The following CLDN20 variants were observed in gnomAD, a reference collection of about 807,000 sequenced individuals.
CLDN20 encodes the protein claudin 20, also known as claudin-20.
For synonymous variants in CLDN20, 104 were observed against 103.6 expected (o/e 1.00, Z -0.03); for missense variants, 258 against 267.9 (o/e 0.96, Z 0.26).
Position 155,276,061 on chromosome 6 carries a change from G to A in CLDN20, c.342G>A (p.Lys114=), listed in dbSNP as rs150441263. ...CTRLGGDRET[K]SHASFAGGVC... ...GCTTAGGAGGGGACAGAGAAACCAA[G>A]AGCCATGCTTCCTTTGCTGGAGGAG... Residue 114 remains lysine (K), a synonymous_variant, in exon 2 of 2, where the codon AAG becomes AAA. Transcript: ENST00000367165. The A allele has an allele frequency of 2.7e-4, 429 of 1,614,144 alleles. 3 individuals carry two copies. In the African/African-American group the frequency reaches 4.9e-3, roughly 18 times the overall value.
chr6:155,276,437 T>TAA lies in CLDN20; in HGVS notation c.*66_*67dup. The TAA allele has an allele frequency of 1.4e-6, 2 of 1,427,380 alleles. No individual in the cohort carries two copies. Among genetic ancestry groups the TAA allele is most frequent in the African/African-American group, 1.5e-5 (1 of 68,768 alleles). The allele number at this position is 1,427,380 out of a possible 1,614,324, so 88.4% of individuals were successfully genotyped here. ...TGGGTGCCAAATGGGACTTTTAGAT[T>TAA]AAAAAAAAATCAGAATTATGCTTAA... On this transcript the variant is annotated 3_prime_UTR_variant, in exon 2 of 2. Transcript: ENST00000367165.
In CLDN20 at chr6:155,264,270, G is replaced by A. The variant is rs1430472074; in HGVS notation, c.-123G>A. ...TCCACTTTAGGACATCACGGGCCTC[G>A]AGGTTACAACTTTCCCAGGTAAGGA... On this transcript the variant is annotated 5_prime_UTR_variant, in exon 1 of 2. Transcript: ENST00000367165. The A allele has an allele frequency of 6.6e-6, 1 of 152,124 alleles. No individual in the cohort carries two copies. Among genetic ancestry groups the A allele is most frequent in the Non-Finnish European group, 1.5e-5 (1 of 68,022 alleles). 9.4% of individuals were successfully genotyped at this position (152,124 alleles called of 1,614,324 possible). A position where few individuals can be genotyped will look rare whatever the true frequency, so the allele number is the denominator to read the frequency against.
At chr6:155,267,643 C>T (rs1034170323) in intron 1 of CLDN20, among the ~76,000 whole-genome samples, 1 of 152,110 alleles carries the variant, frequency 6.6e-6, no homozygotes, top group Non-Finnish European at 1.5e-5. Flanking sequence ...TTACAGCAGG[C>T]CATTTCAGCA....
At chr6:155,265,187 C>G (rs1386179679) in intron 1 of CLDN20, among the ~76,000 whole-genome samples, 1 of 152,160 alleles carries the variant, frequency 6.6e-6, no homozygotes, top group Non-Finnish European at 1.5e-5. Context: ...TTCGAGGCTG[C>G]CCAGCCGGGC....
chr6:155,271,143 T>C (rs1784897153), intron 1 of CLDN20, among the ~76,000 whole-genome samples: 1 of 152,170 alleles, frequency 6.6e-6, no homozygotes, highest in Admixed American at 6.5e-5. Context: ...TTTAAAGAAA[T>C]GATTAAAGTC....
chr6:155,273,696 G>A lies in CLDN20; in HGVS notation c.-104-1920G>A, dbSNP rs1785044126. On this transcript the variant is annotated intron_variant, in intron 1 of 1. Coordinates refer to ENST00000367165, the MANE Select transcript of CLDN20 (RefSeq NM_001001346.3). The stretch of plus-strand genomic sequence containing the variant: ...AGCAGGAAGTGTTGTGGTAAAAGGG[G>A]AAAGGATGCGGGATGACCCTGTGAG... 2.0e-5 allele frequency among the ~76,000 whole-genome samples: 3 copies of A among 152,300 alleles called. No homozygotes were observed. The South Asian group carries it at 6.2e-4, about 32-fold the overall frequency.
chr6:155,275,077 T>C (rs1413776584), intron 1 of CLDN20, among the ~76,000 whole-genome samples: 1 of 150,066 alleles, frequency 6.7e-6, no homozygotes, highest in Non-Finnish European at 1.5e-5. Context: ...AAAAAAAAAA[T>C]TAGCCGGGCA....
rs1278537364 is a variant in CLDN20 at position 155,272,603 on chromosome 6, T to C, written c.-104-3013T>C. Among the ~76,000 whole-genome samples the C allele has an allele frequency of 2.0e-5, 3 of 152,136 alleles. No homozygotes were observed. In the East Asian group the frequency reaches 5.8e-4, roughly 29 times the overall value. ...TTTTGAGAGAACAGGCCACAAACGG[T>C]ATTATACTCGTGGCTGGAGGGTAAA... On this transcript the variant is annotated intron_variant, in intron 1 of 1. Transcript: ENST00000367165.
chr6:155,271,841 C>T (rs188277096), intron 1 of CLDN20, among the ~76,000 whole-genome samples: 1 of 152,118 alleles, frequency 6.6e-6, no homozygotes, highest in Non-Finnish European at 1.5e-5. Context: ...CCAAATAATT[C>T]CTCCTCTGTA....
At chr6:155,273,262 G>C (rs1785025039) in intron 1 of CLDN20, among the ~76,000 whole-genome samples, 1 of 152,170 alleles carries the variant, frequency 6.6e-6, no homozygotes, top group Non-Finnish European at 1.5e-5. Context: ...TAGGCACACT[G>C]ATGTCTACAG....
rs114084835 is a variant in CLDN20, at chr6:155,264,784, G to T, written c.-105+496G>T. Among the ~76,000 whole-genome samples, 379 of 152,278 alleles carry T rather than the reference G, an allele frequency of 2.5e-3. 2 individuals carry two copies. The highest frequency in any genetic ancestry group is 8.3e-3 in the African/African-American group (344 of 41,554). ...AAGAGAAATAAGACTAAGAAATGTG[G>T]TGAGGGGGATGAAGAGTTTTTTTAC... On this transcript the variant is annotated intron_variant, in intron 1 of 1. Transcript: ENST00000367165.
At chr6:155,273,091 C>A (rs1291237737) in intron 1 of CLDN20, among the ~76,000 whole-genome samples, 5 of 152,212 alleles carry the variant, frequency 3.3e-5, no homozygotes, top group African/African-American at 1.2e-4. Flanking sequence ...AGTAATTTAG[C>A]AAGCTGGCTG....
At chr6:155,266,433 AGAAG>A (rs1350298389) in intron 1 of CLDN20, among the ~76,000 whole-genome samples, 2 of 152,178 alleles carry the variant, frequency 1.3e-5, no homozygotes, top group Non-Finnish European at 2.9e-5. Flanking sequence ...TAAATTCACT[AGAAG>A]TGCAGCTAGA....
At chr6:155,265,736 A>G (rs558039930) in intron 1 of CLDN20, among the ~76,000 whole-genome samples, 1 of 140,706 alleles carries the variant, frequency 7.1e-6, no homozygotes, top group Non-Finnish European at 1.5e-5. Context: ...ATAAATATAT[A>G]TTATATATAA....
Position 155,275,699 on chromosome 6 carries a change from G to T in CLDN20, c.-21G>T. ...GTTAAACATCAGGATTTTCTAAGAG[G>T]ACAGACTTAACAGTAACATCATGGC... On this transcript the variant is annotated 5_prime_UTR_variant, in exon 2 of 2. Coordinates refer to ENST00000367165, the MANE Select transcript of CLDN20 (RefSeq NM_001001346.3). The T allele has an allele frequency of 6.3e-7, 1 of 1,595,982 alleles. No homozygotes were observed. Among genetic ancestry groups the T allele is most frequent in the Non-Finnish European group, 8.5e-7 (1 of 1,169,708 alleles).
chr6:155,264,100 A>T lies in CLDN20; in HGVS notation c.-293A>T, dbSNP rs1784515488. 1.3e-5 allele frequency: 2 copies of T among 152,178 alleles called. No homozygotes were observed. The highest frequency in any genetic ancestry group is 6.5e-5 in the Admixed American group (1 of 15,276). 9.4% of individuals were successfully genotyped at this position (152,178 alleles called of 1,614,324 possible). ...TCTTGCAGGCTATAGGCACCACAAA[A>T]TGGAACGCAGGAGGACAGGGGCTTG... is the stretch of plus-strand genomic sequence containing the variant. On this transcript the variant is annotated 5_prime_UTR_variant, in exon 1 of 2. An upstream start codon of the reference 5' UTR is lost. Coordinates refer to ENST00000367165, the MANE Select transcript of CLDN20 (RefSeq NM_001001346.3).
At position 155,275,695 on chromosome 6, in the gene CLDN20, A is replaced by C. The variant is rs1207027059; in HGVS notation, c.-25A>C. ...CATTGTTAAACATCAGGATTTTCTA[A>C]GAGGACAGACTTAACAGTAACATCA... On this transcript the variant is annotated 5_prime_UTR_variant, in exon 2 of 2. Transcript: ENST00000367165. 5.7e-6 allele frequency: 9 copies of C among 1,584,686 alleles called. No individual in the cohort carries two copies. The Admixed American group carries it at 1.1e-4, about 19-fold the overall frequency.
At chr6:155,272,938 A>G (rs1234928059) in intron 1 of CLDN20, among the ~76,000 whole-genome samples, 2 of 152,216 alleles carry the variant, frequency 1.3e-5, no homozygotes, top group African/African-American at 4.8e-5. Flanking sequence ...GGTAAGCTGA[A>G]CATAGATTGA....
rs1267394344 is a variant in CLDN20, at chr6:155,275,849, A to G, written c.130A>G (p.Ile44Val). Residue 44 changes from isoleucine (I) to valine (V), a missense_variant, in exon 2 of 2, where the codon ATT becomes GTT. By Grantham distance (29) the Ile-to-Val change is conservative (BLOSUM62 3). Transcript: ENST00000367165. ...VDVDSNIITA[I>V]VQLHGLWMDC... ...TGTGGACTCCAACATCATAACAGCC[A>G]TTGTACAGCTGCACGGGCTCTGGAT... 1.9e-6 allele frequency: 3 copies of G among 1,614,140 alleles called. No individual in the cohort carries two copies. The highest frequency in any genetic ancestry group is 2.5e-6 in the Non-Finnish European group (3 of 1,180,016).
Sources: allele counts gnomAD v4.1 joint callset (sites outside exome capture counted in the v4.1 genomes callset), GRCh38; gene constraint gnomAD v4.1.1; transcripts MANE v1.5; gene names NCBI Gene and HGNC (gene_info 2026-07-23, HGNC 2026-07-21).